The following SLC25A21 variants were observed in gnomAD, a reference collection of about 807,000 sequenced individuals.
SLC25A21 encodes mitochondrial 2-oxodicarboxylate carrier.
Under a neutral mutation model 43.8 loss-of-function variants are expected in SLC25A21, and 47 were observed. The observed-to-expected ratio is 1.07, with a 90% CI of 0.85 to 1.37. The LOEUF is 1.37. Ranked by LOEUF, SLC25A21 falls within the 40% of genes most tolerant of loss-of-function variation. The probability of loss-of-function intolerance (pLI) is 0.00; values close to 1 mark genes in which losing one functional copy is unlikely to be tolerated. For synonymous variants in SLC25A21, 131 were observed against 121.3 expected, an observed-to-expected ratio of 1.08 and a Z score of -0.52; for missense variants, 352 against 350.2, an observed-to-expected ratio of 1.00 and a Z score of -0.04.
intron 1 of SLC25A21, among the ~76,000 whole-genome samples, chr14:37,126,228 CACAG>C (rs1328017708): frequency 6.6e-6 from 1 of 152,090 alleles, no homozygotes; most frequent in East Asian, 1.9e-4. Flanking sequence ...TGCTGACTAT[CACAG>C]ACCTGGCAAT....
At chr14:37,136,757 C>T (rs1330832445) in intron 1 of SLC25A21, among the ~76,000 whole-genome samples, 1 of 152,034 alleles carries the variant, frequency 6.6e-6, no homozygotes, top group African/African-American at 2.4e-5. Context: ...AACAAAAAGA[C>T]ATGGGAAACC....
chr14:37,117,572 C>A (rs1392091736), intron 1 of SLC25A21, among the ~76,000 whole-genome samples: 2 of 152,068 alleles, frequency 1.3e-5, no homozygotes, highest in African/African-American at 4.8e-5. Context: ...CCTGGTATGA[C>A]AGATCTAATA....
At chr14:36,779,609 CATATATATAT>C (rs35392668) in intron 3 of SLC25A21, among the ~76,000 whole-genome samples, 21,087 of 122,360 alleles carry the variant, frequency 0.17, 1,982 homozygotes, top group African/African-American at 0.23. Flanking sequence ...TATGTGTATA[CATATATATAT>C]ATATATATAT....
intron 1 of SLC25A21, among the ~76,000 whole-genome samples, chr14:36,965,350 A>G (rs1253612112): frequency 6.6e-6 from 1 of 152,146 alleles, no homozygotes; most frequent in Non-Finnish European, 1.5e-5. Context: ...TATGTTTTTT[A>G]ATAAGTCTCT....
intron 6 of SLC25A21, among the ~76,000 whole-genome samples, chr14:36,714,722 T>C (rs779420366): frequency 6.6e-6 from 1 of 152,234 alleles, no homozygotes; most frequent in South Asian, 2.1e-4. Flanking sequence ...CTTTTTGGTG[T>C]CATTTAATCC....
chr14:37,067,584 T>C (rs1962086559), intron 1 of SLC25A21, among the ~76,000 whole-genome samples: 1 of 151,972 alleles, frequency 6.6e-6, no homozygotes, highest in Non-Finnish European at 1.5e-5. Context: ...AGATGGAAAA[T>C]CTGAGATGCA....
chr14:36,889,099 C>T (rs1038926390), intron 1 of SLC25A21, among the ~76,000 whole-genome samples: 2 of 152,166 alleles, frequency 1.3e-5, no homozygotes, highest in Non-Finnish European at 2.9e-5. Context: ...TGCTATGCTC[C>T]CATGAATTCT....
chr14:36,750,820 G>A (rs1457898179), intron 3 of SLC25A21, among the ~76,000 whole-genome samples: 1 of 152,166 alleles, frequency 6.6e-6, no homozygotes, highest in Admixed American at 6.5e-5. Context: ...TTGCCAGGCA[G>A]TTCCCCAGGA....
intron 1 of SLC25A21, among the ~76,000 whole-genome samples, chr14:37,156,729 T>A (rs1963857555): frequency 6.6e-6 from 1 of 151,212 alleles, no homozygotes; most frequent in Non-Finnish European, 1.5e-5. Context: ...CAAGAGGATA[T>A]AACAATTCTA....
At chr14:36,980,131 G>GT (rs1254307011) in intron 1 of SLC25A21, among the ~76,000 whole-genome samples, 4 of 152,178 alleles carry the variant, frequency 2.6e-5, no homozygotes, top group Admixed American at 1.3e-4. Flanking sequence ...CTGTTGATGG[G>GT]TTTCCCTTTG....
chr14:36,803,384 G>A (rs562326008), intron 3 of SLC25A21, among the ~76,000 whole-genome samples: 7 of 152,120 alleles, frequency 4.6e-5, no homozygotes, highest in African/African-American at 1.7e-4. Flanking sequence ...TTTACAAATA[G>A]TGTCAATCTC....
At chr14:36,948,949 A>G (rs750325747) in intron 1 of SLC25A21, among the ~76,000 whole-genome samples, 6 of 152,234 alleles carry the variant, frequency 3.9e-5, no homozygotes, top group Admixed American at 6.5e-5. Flanking sequence ...CCTATAGGAC[A>G]ACACTTGGTC....
intron 1 of SLC25A21, among the ~76,000 whole-genome samples, chr14:36,950,977 G>C (rs546641746): frequency 1.9e-4 from 29 of 152,178 alleles, no homozygotes; most frequent in Non-Finnish European, 3.5e-4. Flanking sequence ...GGAGCTCAAG[G>C]CTCTACACCC....
At chr14:37,101,935 T>C (rs1180904580) in intron 1 of SLC25A21, among the ~76,000 whole-genome samples, 1 of 152,190 alleles carries the variant, frequency 6.6e-6, no homozygotes, top group Non-Finnish European at 1.5e-5. Flanking sequence ...ATTCCCCTCA[T>C]GTTTCAGTTT....
At chr14:36,892,284 T>C (rs1380995698) in intron 1 of SLC25A21, among the ~76,000 whole-genome samples, 2 of 152,160 alleles carry the variant, frequency 1.3e-5, no homozygotes, top group East Asian at 1.9e-4. Flanking sequence ...AATCAGTATG[T>C]TGAAAACATA....
chr14:36,980,814 T>G (rs1323159149), intron 1 of SLC25A21, among the ~76,000 whole-genome samples: 2 of 152,162 alleles, frequency 1.3e-5, no homozygotes, highest in African/African-American at 4.8e-5. Context: ...CCAAAAGCAA[T>G]GGCAACAAAA....
chr14:37,115,196 A>T (rs148120396), intron 1 of SLC25A21, among the ~76,000 whole-genome samples: 1 of 152,274 alleles, frequency 6.6e-6, no homozygotes, highest in East Asian at 1.9e-4. Context: ...TGGCTAAGAA[A>T]GGTGGCTCTT....
At chr14:36,790,504 T>C (rs1001553958) in intron 3 of SLC25A21, among the ~76,000 whole-genome samples, 2 of 152,178 alleles carry the variant, frequency 1.3e-5, no homozygotes, top group African/African-American at 4.8e-5. Context: ...TTCAGCATTC[T>C]GAATTCAAAA....
intron 1 of SLC25A21, among the ~76,000 whole-genome samples, chr14:36,907,837 C>A (rs1566729730): frequency 6.6e-6 from 1 of 152,132 alleles, no homozygotes; most frequent in Non-Finnish European, 1.5e-5. Context: ...TGTATTAGGG[C>A]AGCACATTGA....
Sources: gnomAD v4.1 joint callset for allele counts (sites outside exome capture counted in the v4.1 genomes callset) on GRCh38, gnomAD v4.1.1 for gene constraint, MANE v1.5 for transcripts, NCBI Gene and HGNC (gene_info 2026-07-23, HGNC 2026-07-21) for gene names.